The following OLFM3 variants were observed in gnomAD, a reference collection of about 807,000 sequenced individuals.
The protein encoded by OLFM3 is olfactomedin 3.
In OLFM3, 20 loss-of-function variants were observed where a neutral mutation model predicts 48.6. The observed-to-expected ratio is 0.41, with a 90% confidence interval of 0.29 to 0.60. The LOEUF is 0.60. Among genes scored for constraint, OLFM3 ranks in the 20% least tolerant of loss-of-function variants. The pLI is 0.28. For missense variants in OLFM3, 437 were observed against 544.3 expected, an observed-to-expected ratio of 0.80 and a Z score of 1.96; for synonymous variants, 222 against 198.1, an observed-to-expected ratio of 1.12 and a Z score of -1.01.
At chr1:101,954,525 CT>C (rs1356106517) in intron 1 of OLFM3, among the ~76,000 whole-genome samples, 2 of 151,916 alleles carry the variant, frequency 1.3e-5, no homozygotes, top group Non-Finnish European at 2.9e-5. Flanking sequence ...TTAATTTTAG[CT>C]TTTGATAATT....
intron 1 of OLFM3, among the ~76,000 whole-genome samples, chr1:101,953,438 A>C (rs1415091): frequency 0.45 from 67,706 of 151,952 alleles, 16,516 homozygotes; most frequent in Middle Eastern, 0.6. Context: ...CAAAGTCTAA[A>C]ATATTTATGA....
chr1:101,806,990 C>T (rs192599606), intron 4 of OLFM3, among the ~76,000 whole-genome samples: 32 of 151,798 alleles, frequency 2.1e-4, no homozygotes, highest in African/African-American at 7.7e-4. Context: ...GAAAGCTAGA[C>T]ATTTTTGTGA....
chr1:101,908,425 C>T (rs74396741), intron 1 of OLFM3, among the ~76,000 whole-genome samples: 2,214 of 152,232 alleles, frequency 0.015, 59 homozygotes, highest in African/African-American at 0.05. Flanking sequence ...AATTTCACAC[C>T]TTTTATTGGA....
At chr1:101,892,129 T>C (rs1570604741) in intron 1 of OLFM3, among the ~76,000 whole-genome samples, 1 of 152,060 alleles carries the variant, frequency 6.6e-6, no homozygotes, top group East Asian at 1.9e-4. Flanking sequence ...CTCTGCCCTG[T>C]GTGAGACTCT....
intron 4 of OLFM3, among the ~76,000 whole-genome samples, chr1:101,819,572 G>A (rs1654504714): frequency 6.6e-6 from 1 of 151,998 alleles, no homozygotes; most frequent in Non-Finnish European, 1.5e-5. Context: ...GTGAGGGGGA[G>A]ATAAAAGATG....
intron 1 of OLFM3, among the ~76,000 whole-genome samples, chr1:101,872,650 G>C (rs1236375973): frequency 6.6e-6 from 1 of 151,976 alleles, no homozygotes; most frequent in Non-Finnish European, 1.5e-5. Context: ...GACTTTCCAA[G>C]TTAAATGATG....
intron 1 of OLFM3, among the ~76,000 whole-genome samples, chr1:101,991,038 T>TATATATAC (rs1553186131): frequency 8.9e-6 from 1 of 112,460 alleles, no homozygotes; most frequent in Admixed American, 1.1e-4. Context: ...TATATATATA[T>TATATATAC]ATACTTCGTG....
intron 1 of OLFM3, among the ~76,000 whole-genome samples, chr1:101,973,650 T>C (rs1660871005): frequency 6.6e-6 from 1 of 152,084 alleles, no homozygotes. Flanking sequence ...GAAAAATCAG[T>C]AGGCTTTGAG....
chr1:101,996,630 A>G (rs753045730), intron 1 of OLFM3, 118 bp downstream of exon 1: 68 of 994,188 alleles, frequency 6.8e-5, no homozygotes, highest in Non-Finnish European at 9.6e-5. Flanking sequence ...GCCAGACACC[A>G]TAAGGTAGCT....
At chr1:101,896,007 A>AAT in intron 1 of OLFM3, among the ~76,000 whole-genome samples, 1 of 142,412 alleles carries the variant, frequency 7.0e-6, no homozygotes, top group African/African-American at 2.7e-5. Flanking sequence ...ATAATAATAA[A>AAT]AGTATGCATA....
chr1:101,948,027 A>T (rs77641016), intron 1 of OLFM3, among the ~76,000 whole-genome samples: 10,632 of 152,204 alleles, frequency 0.07, 433 homozygotes, highest in South Asian at 0.14. Flanking sequence ...ATCACAATAG[A>T]TCTGAAAATT....
At chr1:101,984,367 C>T (rs951920110) in intron 1 of OLFM3, among the ~76,000 whole-genome samples, 1 of 151,078 alleles carries the variant, frequency 6.6e-6, no homozygotes, top group Non-Finnish European at 1.5e-5. Context: ...AAAACCTAAA[C>T]TTATCATGTA....
At chr1:101,889,380 T>C (rs1042550341) in intron 1 of OLFM3, among the ~76,000 whole-genome samples, 12 of 152,192 alleles carry the variant, frequency 7.9e-5, no homozygotes, top group Admixed American at 7.9e-4. Flanking sequence ...GAAGCCATCA[T>C]TCTGAGCAAA....
In OLFM3 at chr1:101,804,913, G is replaced by A. The variant is rs757784168; in HGVS notation, c.702C>T (p.Val234=). 10 of 1,598,112 alleles carry A rather than the reference G, an allele frequency of 6.3e-6. 1 individual carries two copies. The South Asian group carries it at 1.1e-4, about 18-fold the overall frequency. Residue 234 remains valine (V), a splice_region_variant and synonymous_variant, in exon 6 of 6, where the codon GTC becomes GTT. Coordinates refer to ENST00000370103, the MANE Select transcript of OLFM3 (RefSeq NM_058170.4). The surrounding 1 kb of genome is among the most constrained non-coding windows in gnomAD (Gnocchi z 4.5). The stretch of plus-strand genomic sequence containing the variant: ...TGTTAGTATAACTGTCCATGTACCA[G>A]ACCTGAGAAGAAGGAAAAAAATAAA... ...DPLASEKNNR[V]WYMDSYTNNK... is the part of the protein sequence containing the mutation.
At chr1:101,878,939 T>G (rs1205366957) in intron 1 of OLFM3, among the ~76,000 whole-genome samples, 1 of 151,882 alleles carries the variant, frequency 6.6e-6, no homozygotes, top group African/African-American at 2.4e-5. Context: ...TCATATGAGC[T>G]GCAAAATATA....
At chr1:101,824,013 T>C (rs1225011209) in intron 4 of OLFM3, among the ~76,000 whole-genome samples, 4 of 150,128 alleles carry the variant, frequency 2.7e-5, no homozygotes, top group South Asian at 4.2e-4. Flanking sequence ...ATTTGTAAAA[T>C]AGTCTTTACA....
intron 1 of OLFM3, among the ~76,000 whole-genome samples, chr1:101,864,612 G>A (rs987493949): frequency 6.6e-6 from 1 of 152,082 alleles, no homozygotes; most frequent in African/African-American, 2.4e-5. Context: ...TGTTTATAAT[G>A]CATGATTTTG....
intron 1 of OLFM3, among the ~76,000 whole-genome samples, chr1:101,991,016 A>AAAAAAATAT (rs1553186119): frequency 7.1e-4 from 23 of 32,210 alleles, no homozygotes; most frequent in Admixed American, 8.1e-4. Flanking sequence ...AAAAAAAAAA[A>AAAAAAATAT]ATATATATAT....
intron 4 of OLFM3, among the ~76,000 whole-genome samples, chr1:101,814,813 G>T (rs899766247): frequency 6.6e-6 from 1 of 152,042 alleles, no homozygotes; most frequent in Non-Finnish European, 1.5e-5. Flanking sequence ...AAAAAATATG[G>T]CTACATGTTT....
Sources: gnomAD v4.1 joint callset for allele counts (sites outside exome capture counted in the v4.1 genomes callset) on GRCh38, gnomAD v4.1.1 for gene constraint, Gnocchi (gnomAD v3.1) non-coding constraint, MANE v1.5 for transcripts, NCBI Gene and HGNC (gene_info 2026-07-23, HGNC 2026-07-21) for gene names.